RDH13: variants seen among roughly 807,000 people sequenced by gnomAD.
The protein encoded by RDH13 is retinol dehydrogenase 13 (all-trans and 9-cis).
RDH13 carries 35 observed loss-of-function variants against 28.3 expected under a neutral mutation model. That is an observed-to-expected ratio of 1.24 (90% CI 0.95 to 1.64). The LOEUF is 1.64. Ranked by LOEUF, RDH13 falls within the 40% of genes most tolerant of loss-of-function variation. The probability of loss-of-function intolerance (pLI) is 0.00; values close to 1 mark genes in which losing one functional copy is unlikely to be tolerated. For synonymous variants in RDH13, 229 were observed against 198.5 expected, an observed-to-expected ratio of 1.15 and a Z score of -1.29; for missense variants, 514 against 446.3, an observed-to-expected ratio of 1.15 and a Z score of -1.37.
At chr19:55,063,310 G>GC (rs2075872147), upstream of RDH13, 1 of 379,570 alleles carries the variant, frequency 2.6e-6, no homozygotes, top group South Asian at 1.2e-4. Context: ...GTCCGGGGGC[G>GC]GGGCCTATGG....
intron 3 of RDH13, among the ~76,000 whole-genome samples, chr19:55,051,647 C>T (rs2075439636): frequency 6.6e-6 from 1 of 151,742 alleles, no homozygotes; most frequent in South Asian, 2.1e-4. Flanking sequence ...TCAGGCTGGT[C>T]TTGAATTCTT....
Position 55,063,065 on chromosome 19 carries a change from G to GCGTCCGGGGTCGGCT in RDH13, c.-34_-33insAGCCGACCCCGGACG, listed in dbSNP as rs2075860103. 9.0e-6 allele frequency: 12 copies of GCGTCCGGGGTCGGCT among 1,332,420 alleles called. No individual in the cohort carries two copies. The highest frequency in any genetic ancestry group is 2.2e-4 in the Middle Eastern group (1 of 4,480). The allele number at this position is 1,332,420 out of a possible 1,614,324, so 82.5% of individuals were successfully genotyped here. ...CGGGGACAGGCGTCAGGCGTCAGGG[G>GCGTCCGGGGTCGGCT]TCGGCGCGGAGCTTGCTGCACACCA... On this transcript the variant is annotated 5_prime_UTR_variant, in exon 1 of 7. Coordinates refer to ENST00000415061, the MANE Select transcript of RDH13 (RefSeq NM_001145971.2).
chr19:55,045,191 CT>C lies in RDH13; in HGVS notation c.878del (p.Gln293ArgfsTer27). ...CCTCAGCCTCGGGGGCCGGGGCCTT[CT>C]GTTTGAGTCCATCGAAGTACTTTCC... ...VSGKYFDGLK[Q>X]KAPAPEAEDE... On this transcript the variant is annotated frameshift_variant, in exon 7 of 7. Coordinates refer to ENST00000415061, the MANE Select transcript of RDH13 (RefSeq NM_001145971.2). LOFTEE classifies it high-confidence loss of function. 2 of 1,613,664 alleles carry C rather than the reference CT, an allele frequency of 1.2e-6. No homozygotes were observed. The highest frequency in any genetic ancestry group is 8.5e-7 in the Non-Finnish European group (1 of 1,180,038).
At position 55,059,156 on chromosome 19, in the gene RDH13, C is replaced by T; in HGVS notation, c.184+1G>A. 1 of 1,565,294 alleles carries T rather than the reference C, an allele frequency of 6.4e-7. No individual in the cohort carries two copies. Among genetic ancestry groups the T allele is most frequent in the Non-Finnish European group, 8.7e-7 (1 of 1,147,212 alleles). ...GAGAGCCAAAGCAGGGGAGATTTTA[C>T]CTCTCCTGGCCAGTTCCAAGGCGGT... On this transcript the variant is annotated splice_donor_variant, in intron 2 of 6. Transcript: ENST00000415061. LOFTEE classifies it high-confidence loss of function.
downstream of RDH13, chr19:55,042,111 A>G (rs1351449990): frequency 1.4e-5 from 2 of 142,284 alleles, no homozygotes; most frequent in African/African-American, 5.3e-5. Flanking sequence ...ATCACCAACC[A>G]TAGGTTCCTG....
upstream of RDH13, chr19:55,064,226 G>T (rs2075898446): frequency 6.6e-6 from 1 of 152,060 alleles, no homozygotes; most frequent in South Asian, 2.1e-4. Flanking sequence ...ATTGATACCA[G>T]CCTGGCCAAC....
At chr19:55,052,542 T>TAA (rs35692980) in intron 3 of RDH13, among the ~76,000 whole-genome samples, 5 of 132,436 alleles carry the variant, frequency 3.8e-5, no homozygotes, top group African/African-American at 1.4e-4. Flanking sequence ...AACTCCGTCT[T>TAA]AAAAAAAAAA....
intron 3 of RDH13, among the ~76,000 whole-genome samples, chr19:55,055,288 G>A (rs915915152): frequency 1.3e-5 from 2 of 151,992 alleles, no homozygotes; most frequent in African/African-American, 4.8e-5. Context: ...GAGTAGCTGA[G>A]ATTACAGGTG....
At chr19:55,048,141 C>A (rs1203075989) in intron 5 of RDH13, 188 bp downstream of exon 5, 1 of 1,533,474 alleles carries the variant, frequency 6.5e-7, no homozygotes, top group Non-Finnish European at 8.7e-7. Flanking sequence ...ACAGACAATC[C>A]TCAGAAGAAC....
At chr19:55,054,246 C>T (rs977080655) in intron 3 of RDH13, among the ~76,000 whole-genome samples, 10 of 152,260 alleles carry the variant, frequency 6.6e-5, no homozygotes, top group African/African-American at 2.4e-4. Context: ...GTTTACTGAG[C>T]GGGGCACATT....
At chr19:55,064,657 A>G (rs543748176), upstream of RDH13, among the ~76,000 whole-genome samples, 5 of 151,062 alleles carry the variant, frequency 3.3e-5, no homozygotes, top group Admixed American at 6.6e-5. Flanking sequence ...TGTGTCACCC[A>G]GGCTGGAGAG....
intron 2 of RDH13, among the ~76,000 whole-genome samples, chr19:55,057,865 C>T (rs368400253): frequency 3.4e-5 from 5 of 149,000 alleles, no homozygotes; most frequent in South Asian, 2.1e-4. Flanking sequence ...GGAGTGCTGG[C>T]GCCATCACAG....
chr19:55,061,231 G>A (rs1319474952), intron 1 of RDH13, among the ~76,000 whole-genome samples: 4 of 152,106 alleles, frequency 2.6e-5, no homozygotes, highest in African/African-American at 4.8e-5. Context: ...AGGTTCAAGC[G>A]ATTCTCCTGC....
chr19:55,062,983 G>A lies in RDH13; in HGVS notation c.50C>T (p.Ala17Val). 3 of 1,478,316 alleles carry A rather than the reference G, an allele frequency of 2.0e-6. No homozygotes were observed. The highest frequency in any genetic ancestry group is 1.3e-5 in the South Asian group (1 of 74,884). The allele number at this position is 1,478,316 out of a possible 1,614,324, so 91.6% of individuals were successfully genotyped here. A position where few individuals can be genotyped will look rare whatever the true frequency, so the allele number is the denominator to read the frequency against. The part of the protein sequence containing the change: ...PLSALGTVAG[A>V]AVLLKDYVTG... Reference sequence around the variant, plus strand: ...ATGTACTCACTTGAGCAGCACGGCGGCGCCTGCTACCGTGCCCAGCGCCGA... The same window carrying A: ...ATGTACTCACTTGAGCAGCACGGCGACGCCTGCTACCGTGCCCAGCGCCGA... Residue 17 changes from alanine (A) to valine (V), a missense_variant, in exon 1 of 7, where the codon GCC becomes GTC. Ala to Val is a moderately conservative substitution (Grantham distance 64). Transcript: ENST00000415061.
At chr19:55,048,571 T>G in intron 4 of RDH13, 30 bp from the exon 5 acceptor site, 1 of 1,612,860 alleles carries the variant, frequency 6.2e-7, no homozygotes, top group Non-Finnish European at 8.5e-7. Flanking sequence ...AAGGTCACTT[T>G]TGACTCACAC....
intron 6 of RDH13, among the ~76,000 whole-genome samples, chr19:55,045,558 C>T (rs2075194891): frequency 6.6e-6 from 1 of 152,194 alleles, no homozygotes; most frequent in African/African-American, 2.4e-5. Context: ...AAAATGGAAG[C>T]TCTCTTCCTC....
At chr19:55,067,864 AATCTCTCTCTC>A (rs927462248), upstream of RDH13, 2 of 130,864 alleles carry the variant, frequency 1.5e-5, no homozygotes, top group Non-Finnish European at 3.2e-5. Context: ...GGGTGCTATC[AATCTCTCTCTC>A]ATCTCTCTCT....
At chr19:55,059,329 G>GC in intron 1 of RDH13, 54 bp from the exon 2 acceptor site, 1 of 1,196,460 alleles carries the variant, frequency 8.4e-7, no homozygotes, top group Non-Finnish European at 1.2e-6. Flanking sequence ...CACCCCACGT[G>GC]CCCCTGACTG....
Position 55,045,290 on chromosome 19 carries a change from C to G in RDH13, c.780G>C (p.Leu260=). 1 of 1,612,596 alleles carries G rather than the reference C, an allele frequency of 6.2e-7. No individual in the cohort carries two copies. The highest frequency in any genetic ancestry group is 8.5e-7 in the Non-Finnish European group (1 of 1,179,842). ...GGGCGGCCAGCTCGGGGCTCTTGAC[C>G]AGCAGCCAGAAGATGGGCCCTGCAA... ...STTLGPIFWL[L]VKSPELAAQP... is the part of the protein sequence containing the mutation. Residue 260 remains leucine (L), a synonymous_variant, in exon 7 of 7, where the codon CTG becomes CTC. Transcript: ENST00000415061.
Sources: gnomAD v4.1 joint callset for allele counts (sites outside exome capture counted in the v4.1 genomes callset) on GRCh38, gnomAD v4.1.1 for gene constraint, MANE v1.5 for transcripts, NCBI Gene and HGNC (gene_info 2026-07-23, HGNC 2026-07-21) for gene names.